The following CSNK1G3 variants were observed in gnomAD, a reference collection of about 807,000 sequenced individuals.
CSNK1G3 encodes the protein casein kinase I isoform gamma-3.
A neutral mutation model predicts 64.3 loss-of-function variants in CSNK1G3; 23 were observed. That is an observed-to-expected ratio of 0.36 (90% CI 0.26 to 0.51). The LOEUF (loss-of-function observed/expected upper bound fraction) is 0.51, where lower values mean the gene tolerates loss of function less well. Ranked by LOEUF, CSNK1G3 falls within the 20% of genes least tolerant of loss-of-function variation. CSNK1G3 has a pLI of 0.96. For synonymous variants in CSNK1G3, 158 were observed against 162.2 expected (o/e 0.97, Z 0.20); for missense variants, 357 against 510.5 (o/e 0.70, Z 2.90).
In CSNK1G3 at chr5:123,588,407, A is replaced by ATT; in HGVS notation, c.760-11_760-10dup. ...ATTTTTAAATTACCACATTCTCAAGATTTTTTTTTTCTGTTTTAGGCTGAC... is the reference window on the plus strand; with the variant it reads ...ATTTTTAAATTACCACATTCTCAAGATTTTTTTTTTTTCTGTTTTAGGCTGAC... On this transcript the variant is annotated intron_variant, in intron 7 of 12. Transcript: ENST00000345990. 3 of 1,506,526 alleles carry ATT rather than the reference A, an allele frequency of 2.0e-6. No homozygotes were observed. Among genetic ancestry groups the ATT allele is most frequent in the Non-Finnish European group, 2.8e-6 (3 of 1,090,824 alleles). 93.3% of individuals were successfully genotyped at this position (1,506,526 alleles called of 1,614,324 possible). A position where few individuals can be genotyped will look rare whatever the true frequency, so the allele number is the denominator to read the frequency against.
intron 6 of CSNK1G3, among the ~76,000 whole-genome samples, chr5:123,576,635 A>G (rs890069736): frequency 6.6e-6 from 1 of 152,106 alleles, no homozygotes; most frequent in Non-Finnish European, 1.5e-5. Flanking sequence ...TTAGGAGCAC[A>G]GGCTATTTTA....
chr5:123,570,791 A>T (rs1022515123), intron 4 of CSNK1G3, among the ~76,000 whole-genome samples: 1 of 152,220 alleles, frequency 6.6e-6, no homozygotes, highest in South Asian at 2.1e-4. Context: ...GTTATTAGAG[A>T]TTGTTAAATT....
chr5:123,594,291 A>G (rs1792993171), intron 10 of CSNK1G3, among the ~76,000 whole-genome samples: 1 of 152,118 alleles, frequency 6.6e-6, no homozygotes. Flanking sequence ...GTAGATTATG[A>G]TGTTTGTTAT....
chr5:123,553,173 T>G (rs1156862184), intron 3 of CSNK1G3, 26 bp downstream of exon 3: 1 of 1,224,506 alleles, frequency 8.2e-7, no homozygotes, highest in Non-Finnish European at 1.1e-6. Context: ...TTAATTTTTC[T>G]TAATGATTTC....
At chr5:123,535,075 G>A (rs1364659302) in intron 1 of CSNK1G3, among the ~76,000 whole-genome samples, 1 of 152,046 alleles carries the variant, frequency 6.6e-6, no homozygotes, top group African/African-American at 2.4e-5. Flanking sequence ...ACGATGTAGC[G>A]GTAGGTTATG....
At chr5:123,613,433 G>A (rs1748856239) in intron 12 of CSNK1G3, among the ~76,000 whole-genome samples, 1 of 144,136 alleles carries the variant, frequency 6.9e-6, no homozygotes, top group Non-Finnish European at 1.5e-5. Context: ...GTGTGTGTGT[G>A]CGTATGTATG....
rs1427763913 is a variant in CSNK1G3 at position 123,588,160 on chromosome 5, G to T, written c.759+7G>T. The T allele has an allele frequency of 6.4e-7, 1 of 1,565,120 alleles. No homozygotes were observed. On this transcript the variant is annotated splice_region_variant and intron_variant, in intron 7 of 12. Coordinates refer to ENST00000345990, the Ensembl canonical transcript of CSNK1G3. ...TCCTTGGCAAGGCTTAAAGGTAATT[G>T]TTTTTGTGTTTCTTTATTGAATTTC...
chr5:123,537,781 T>C (rs1781083284), intron 1 of CSNK1G3, among the ~76,000 whole-genome samples: 1 of 152,138 alleles, frequency 6.6e-6, no homozygotes, highest in Admixed American at 6.6e-5. Flanking sequence ...TTCCTCCCAA[T>C]TAAGATATAG....
chr5:123,563,895 G>A lies in CSNK1G3; in HGVS notation c.289+6331G>A, dbSNP rs183553173. On this transcript the variant is annotated intron_variant, in intron 4 of 12. Transcript: ENST00000345990. ...CAAAAATAATGAAAATATGATATGA[G>A]TGGGTTAGTCAGTAGTGTAAACTTA... Among the ~76,000 whole-genome samples, 55 of 152,188 alleles carry A rather than the reference G, an allele frequency of 3.6e-4. No individual in the cohort carries two copies. In the East Asian group the frequency reaches 9.6e-3, roughly 27 times the overall value.
intron 1 of CSNK1G3, among the ~76,000 whole-genome samples, chr5:123,539,219 C>T (rs749419671): frequency 3.3e-5 from 5 of 151,972 alleles, no homozygotes; most frequent in South Asian, 2.1e-4. Flanking sequence ...GAGGCTGAGG[C>T]GGGTATATTG....
chr5:123,592,507 T>G (rs1333658028), intron 10 of CSNK1G3, among the ~76,000 whole-genome samples: 5 of 152,006 alleles, frequency 3.3e-5, no homozygotes, highest in Admixed American at 6.6e-5. Flanking sequence ...ATCTTTGACT[T>G]AAAAATTTCA....
At chr5:123,567,818 G>A (rs1787227940) in intron 4 of CSNK1G3, among the ~76,000 whole-genome samples, 1 of 152,120 alleles carries the variant, frequency 6.6e-6, no homozygotes, top group South Asian at 2.1e-4. Context: ...CATTATGACT[G>A]GTCTCAAGCA....
At chr5:123,567,752 A>G (rs1323030808) in intron 4 of CSNK1G3, among the ~76,000 whole-genome samples, 4 of 152,226 alleles carry the variant, frequency 2.6e-5, no homozygotes, top group African/African-American at 9.6e-5. Context: ...TAATATGGGT[A>G]TGACATATTA....
chr5:123,546,617 GTA>G (rs1419824328), intron 2 of CSNK1G3, among the ~76,000 whole-genome samples: 5 of 152,080 alleles, frequency 3.3e-5, no homozygotes, highest in Admixed American at 6.6e-5. Context: ...ATAGAAGTCA[GTA>G]TTCAGGTACC....
intron 4 of CSNK1G3, among the ~76,000 whole-genome samples, chr5:123,560,303 T>C (rs536299400): frequency 6.6e-6 from 1 of 152,298 alleles, no homozygotes; most frequent in Admixed American, 6.5e-5. Context: ...CGTGGAAAAT[T>C]GTATGTTGAT....
chr5:123,609,119 T>G (rs1407859848), intron 12 of CSNK1G3, among the ~76,000 whole-genome samples: 1 of 152,112 alleles, frequency 6.6e-6, no homozygotes, highest in Non-Finnish European at 1.5e-5. Context: ...TATGAACACG[T>G]TAATGAAAAC....
chr5:123,572,340 A>T (rs1788290482), intron 4 of CSNK1G3, among the ~76,000 whole-genome samples: 1 of 152,200 alleles, frequency 6.6e-6, no homozygotes, highest in Non-Finnish European at 1.5e-5. Flanking sequence ...TAGTTCTGAA[A>T]ATAAAATACA....
At chr5:123,557,185 A>T (rs1373530010) in intron 3 of CSNK1G3, among the ~76,000 whole-genome samples, 16 of 152,138 alleles carry the variant, frequency 1.1e-4, no homozygotes, top group Non-Finnish European at 2.2e-4. Flanking sequence ...GAACAGGAGA[A>T]ATAGCATAAG....
intron 1 of CSNK1G3, among the ~76,000 whole-genome samples, chr5:123,537,671 AGTT>A (rs947170451): frequency 3.9e-5 from 6 of 152,184 alleles, no homozygotes; most frequent in African/African-American, 9.6e-5. Flanking sequence ...GTATGGGGGC[AGTT>A]GTTTTTAAAA....
Sources: gnomAD v4.1 joint callset for allele counts (sites outside exome capture counted in the v4.1 genomes callset) on GRCh38, gnomAD v4.1.1 for gene constraint, MANE v1.5 for transcripts, NCBI Gene and HGNC (gene_info 2026-07-23, HGNC 2026-07-21) for gene names.